MTMR8: variants seen among roughly 807,000 people sequenced by gnomAD.
The protein encoded by MTMR8 is phosphatidylinositol-3,5-bisphosphate 3-phosphatase MTMR8.
A neutral mutation model predicts 39.3 loss-of-function variants in MTMR8; 65 were observed. The observed-to-expected ratio is 1.65, with a 90% CI of 1.35 to 2.03. MTMR8 has a LOEUF of 2.03. Ranked by LOEUF, MTMR8 falls within the 30% of genes most tolerant of loss-of-function variation. The probability of loss-of-function intolerance (pLI) is 0.00; values close to 1 mark genes in which losing one functional copy is unlikely to be tolerated. For missense variants in MTMR8, 777 were observed against 538.9 expected, an observed-to-expected ratio of 1.44 and a Z score of -4.37; for synonymous variants, 245 against 185.2, an observed-to-expected ratio of 1.32 and a Z score of -2.62.
intron 1 of MTMR8, among the ~76,000 whole-genome samples, chrX:64,375,112 C>A (rs1414047924): frequency 9.3e-6 from 1 of 107,161 alleles, no homozygotes; most frequent in Non-Finnish European, 1.9e-5. Context: ...GTAATCCCAG[C>A]ACTTTTGGGA....
rs184485090 is a variant in MTMR8, at chrX:64,358,759, G to T, written c.147+646C>A. On this transcript the variant is annotated intron_variant, in intron 2 of 13. Transcript: ENST00000374852. ...AATTATGATCTTTAGGATGGGTAAG[G>T]CATAAAGTAATGTTGGGGTGCTGAA... is the stretch of plus-strand genomic sequence containing the variant. 6.4e-5 allele frequency among the ~76,000 whole-genome samples: 7 copies of T among 108,705 alleles called. No individual in the cohort carries two copies. In the East Asian group the frequency reaches 2.1e-3, roughly 32 times the overall value. The allele number at this position is 108,705 out of a possible 115,157, so 94.4% of individuals were successfully genotyped here.
chrX:64,284,339 T>A (rs1311214373), intron 12 of MTMR8, among the ~76,000 whole-genome samples: 1 of 112,109 alleles, frequency 8.9e-6, no homozygotes, highest in Non-Finnish European at 1.9e-5. Flanking sequence ...AGACCAAATC[T>A]ATGTCTGATT....
chrX:64,338,108 T>C (rs1923122728), intron 8 of MTMR8, among the ~76,000 whole-genome samples: 1 of 112,172 alleles, frequency 8.9e-6, no homozygotes, highest in South Asian at 3.7e-4. Context: ...TACAGTAATG[T>C]GTAGTAACAA....
intron 12 of MTMR8, among the ~76,000 whole-genome samples, chrX:64,276,432 A>G (rs1192717816): frequency 9.0e-6 from 1 of 111,163 alleles, no homozygotes; most frequent in Non-Finnish European, 1.9e-5. Context: ...GGTACTATAA[A>G]TTTCCCTCTA....
intron 11 of MTMR8, among the ~76,000 whole-genome samples, chrX:64,330,657 G>A (rs1015137942): frequency 1.8e-5 from 2 of 111,598 alleles, no homozygotes; most frequent in African/African-American, 6.5e-5. Context: ...AGTGAGGGGT[G>A]CAAACTCAAC....
intron 12 of MTMR8, among the ~76,000 whole-genome samples, chrX:64,312,285 C>T (rs1024436827): frequency 8.9e-6 from 1 of 111,795 alleles, no homozygotes; most frequent in Non-Finnish European, 1.9e-5. Flanking sequence ...GGAATTCACT[C>T]ATGATTTGGC....
intron 12 of MTMR8, among the ~76,000 whole-genome samples, chrX:64,309,391 A>AT (rs961812380): frequency 9.0e-6 from 1 of 111,512 alleles, no homozygotes; most frequent in African/African-American, 3.3e-5. Context: ...TTAATCTGAA[A>AT]TTCCACTTGT....
intron 10 of MTMR8, among the ~76,000 whole-genome samples, chrX:64,334,570 TAAAAAAA>T (rs537003359): frequency 2.9e-5 from 2 of 69,328 alleles, no homozygotes; most frequent in Non-Finnish European, 5.8e-5. Context: ...TCTTTCAGCT[TAAAAAAA>T]AAAAAAAAAA....
Position 64,362,719 on chromosome X carries a change from A to C in MTMR8, c.25-3192T>G, listed in dbSNP as rs890728628. 2.7e-5 allele frequency among the ~76,000 whole-genome samples: 3 copies of C among 110,353 alleles called. No homozygotes were observed. In the East Asian group the frequency reaches 8.4e-4, roughly 31 times the overall value. On this transcript the variant is annotated intron_variant, in intron 1 of 13. Transcript: ENST00000374852. ...CTAGACTCTAGATATATCTATATGTAACTCTTACATAAAATATAAAGTTAC... is the reference window on the plus strand; with the variant it reads ...CTAGACTCTAGATATATCTATATGTCACTCTTACATAAAATATAAAGTTAC...
intron 1 of MTMR8, among the ~76,000 whole-genome samples, chrX:64,363,120 C>A (rs988941185): frequency 8.9e-6 from 1 of 111,902 alleles, no homozygotes; most frequent in African/African-American, 3.2e-5. Flanking sequence ...TCATCCACTA[C>A]AACCAGGGGG....
chrX:64,332,888 A>G (rs962688063), intron 10 of MTMR8, among the ~76,000 whole-genome samples: 10 of 111,361 alleles, frequency 9.0e-5, no homozygotes, highest in Non-Finnish European at 1.5e-4. Context: ...ACCATATATT[A>G]TATTTCCAAA....
chrX:64,322,042 A>G (rs1324041405), intron 12 of MTMR8, among the ~76,000 whole-genome samples: 1 of 105,362 alleles, frequency 9.5e-6, no homozygotes, highest in East Asian at 3.1e-4. Flanking sequence ...GTTTGTTAGT[A>G]TTTTTGTTTT....
intron 12 of MTMR8, among the ~76,000 whole-genome samples, chrX:64,278,144 G>T (rs1174349945): frequency 9.2e-6 from 1 of 108,690 alleles, no homozygotes; most frequent in Non-Finnish European, 1.9e-5. Flanking sequence ...TTTTTTCAAG[G>T]TTCTTAGCTT....
intron 12 of MTMR8, among the ~76,000 whole-genome samples, chrX:64,292,120 A>G (rs753991838): frequency 1.8e-5 from 2 of 112,008 alleles, no homozygotes; most frequent in South Asian, 7.4e-4. Flanking sequence ...TTGTCCTTGG[A>G]CACTGCTATG....
At chrX:64,324,814 CAAAAAAAAAA>C (rs758476355) in intron 12 of MTMR8, among the ~76,000 whole-genome samples, 3 of 28,746 alleles carry the variant, frequency 1.0e-4, no homozygotes, top group South Asian at 2.2e-3. Context: ...TGTTGCTCAC[CAAAAAAAAAA>C]AAAAAAAAAA....
chrX:64,390,767 C>T (rs968507109), intron 1 of MTMR8, among the ~76,000 whole-genome samples: 1 of 110,485 alleles, frequency 9.1e-6, no homozygotes, highest in Non-Finnish European at 1.9e-5. Flanking sequence ...TCCCCACCGC[C>T]CCCCCAGCCT....
chrX:64,275,537 A>C (rs1010473298), intron 12 of MTMR8, among the ~76,000 whole-genome samples: 7 of 108,382 alleles, frequency 6.5e-5, no homozygotes, highest in Non-Finnish European at 1.3e-4. Context: ...TCGCTAAAAA[A>C]ACATTTAGAA....
intron 12 of MTMR8, among the ~76,000 whole-genome samples, chrX:64,282,597 T>G (rs1921002848): frequency 9.0e-6 from 1 of 111,569 alleles, no homozygotes; most frequent in South Asian, 3.7e-4. Flanking sequence ...ATAAAAGACC[T>G]AAAGGTAAGG....
intron 1 of MTMR8, among the ~76,000 whole-genome samples, chrX:64,373,999 A>G (rs1303157429): frequency 8.9e-6 from 1 of 112,262 alleles, no homozygotes; most frequent in Non-Finnish European, 1.9e-5. Context: ...CAGCAAAAAT[A>G]CAAACAACTA....
Sources: gnomAD v4.1 joint callset for allele counts (sites outside exome capture counted in the v4.1 genomes callset) on GRCh38, gnomAD v4.1.1 for gene constraint, MANE v1.5 for transcripts, NCBI Gene and HGNC (gene_info 2026-07-23, HGNC 2026-07-21) for gene names.